KAT2B: variants seen among roughly 807,000 people sequenced by gnomAD.
KAT2B encodes the protein lysine acetyltransferase 2B, also known as histone acetyltransferase KAT2B.
A neutral mutation model predicts 105.9 loss-of-function variants in KAT2B; 36 were observed. The ratio of observed to expected loss-of-function variants is 0.34; its 90% CI spans 0.26 to 0.45. The LOEUF (loss-of-function observed/expected upper bound fraction) is 0.45, where lower values mean the gene tolerates loss of function less well. KAT2B is among the 20% of genes least tolerant of loss of function. The probability of loss-of-function intolerance (pLI) is 1.00; values close to 1 mark genes in which losing one functional copy is unlikely to be tolerated. For synonymous variants in KAT2B, 397 were observed against 377.9 expected, an observed-to-expected ratio of 1.05 and a Z score of -0.59; for missense variants, 820 against 1,021.6, an observed-to-expected ratio of 0.80 and a Z score of 2.69.
intron 5 of KAT2B, among the ~76,000 whole-genome samples, chr3:20,101,957 A>G (rs1698918328): frequency 6.6e-6 from 1 of 152,180 alleles, no homozygotes; most frequent in South Asian, 2.1e-4. Context: ...AGATAGCTAC[A>G]CTATAACTCT....
In KAT2B at chr3:20,048,503, C is replaced by T. The variant is rs192943185; in HGVS notation, c.303+7723C>T. On this transcript the variant is annotated intron_variant, in intron 1 of 17. Transcript: ENST00000263754. ...TCGGTGTTAGCCAGATTTAATTCTG[C>T]GGTTGTTAAGTAAATCCATAGGGTC... 5.3e-4 allele frequency among the ~76,000 whole-genome samples: 81 copies of T among 152,178 alleles called. 1 individual carries two copies. The highest frequency in any genetic ancestry group is 3.3e-3 in the East Asian group (17 of 5,182).
At chr3:20,099,807 G>T (rs1240196022) in intron 3 of KAT2B, 55 bp from the exon 4 acceptor site, 14 of 852,846 alleles carry the variant, frequency 1.6e-5, no homozygotes, top group Admixed American at 3.9e-5. Context: ...AGGAGAGAGA[G>T]ATAGACATAC....
intron 15 of KAT2B, 57 bp from the exon 16 acceptor site, chr3:20,148,186 G>T: frequency 6.7e-7 from 1 of 1,484,304 alleles, no homozygotes; most frequent in Admixed American, 1.7e-5. Context: ...ATAGTAATCA[G>T]CTGGCAATAG....
intron 11 of KAT2B, among the ~76,000 whole-genome samples, chr3:20,128,496 GT>G (rs371801825): frequency 6.8e-5 from 10 of 146,830 alleles, no homozygotes; most frequent in African/African-American, 2.5e-4. Flanking sequence ...GTTTTGTTTT[GT>G]TTTTTTTTGT....
At chr3:20,115,689 A>G (rs1699195154) in intron 7 of KAT2B, among the ~76,000 whole-genome samples, 1 of 152,216 alleles carries the variant, frequency 6.6e-6, no homozygotes, top group South Asian at 2.1e-4. Flanking sequence ...ACAAACACAT[A>G]TACTTGAGTA....
intron 1 of KAT2B, among the ~76,000 whole-genome samples, chr3:20,064,284 G>A (rs1328520745): frequency 6.6e-6 from 1 of 152,174 alleles, no homozygotes; most frequent in Admixed American, 6.5e-5. Flanking sequence ...TATACATTGT[G>A]TAATGGCCAA....
At chr3:20,052,557 G>C (rs1315413001) in intron 1 of KAT2B, among the ~76,000 whole-genome samples, 1 of 151,888 alleles carries the variant, frequency 6.6e-6, no homozygotes, top group East Asian at 1.9e-4. Context: ...GTATTGTAAA[G>C]ATGGCCAGGC....
At chr3:20,095,977 A>C (rs1467965483) in intron 3 of KAT2B, among the ~76,000 whole-genome samples, 5 of 152,138 alleles carry the variant, frequency 3.3e-5, no homozygotes, top group African/African-American at 1.2e-4. Context: ...GATAGGAGCC[A>C]TCTGTGCAAA....
intron 5 of KAT2B, among the ~76,000 whole-genome samples, chr3:20,108,864 G>GTAC (rs1181136342): frequency 6.6e-6 from 1 of 152,188 alleles, no homozygotes; most frequent in Non-Finnish European, 1.5e-5. Flanking sequence ...GATCTAAGCT[G>GTAC]TACATTCTTT....
intron 11 of KAT2B, among the ~76,000 whole-genome samples, chr3:20,129,238 CA>C (rs1472884050): frequency 6.6e-6 from 1 of 151,902 alleles, no homozygotes; most frequent in Non-Finnish European, 1.5e-5. Context: ...TTTAAAAAAG[CA>C]AGTGGAATCC....
intron 13 of KAT2B, among the ~76,000 whole-genome samples, chr3:20,145,943 T>C (rs1699777698): frequency 6.6e-6 from 1 of 152,204 alleles, no homozygotes; most frequent in Non-Finnish European, 1.5e-5. Context: ...GTTCTGTCAC[T>C]TGACTGAGTA....
Position 20,062,200 on chromosome 3 carries a change from T to A in KAT2B, c.304-10133T>A, listed in dbSNP as rs1214455142. On this transcript the variant is annotated intron_variant, in intron 1 of 17. Coordinates refer to ENST00000263754, the MANE Select transcript of KAT2B (RefSeq NM_003884.5). Reference sequence around the variant, plus strand: ...ATATATAATATATAAAATATATATATTTTATATAAAATATATTATATATAA... The same window carrying A: ...ATATATAATATATAAAATATATATAATTTATATAAAATATATTATATATAA... Among the ~76,000 whole-genome samples the A allele has an allele frequency of 4.3e-4, 21 of 48,596 alleles. 1 individual carries two copies. In the East Asian group the frequency reaches 9.3e-3, roughly 21 times the overall value. 31.9% of individuals were successfully genotyped at this position (48,596 alleles called of 152,430 possible).
At position 20,147,982 on chromosome 3, in the gene KAT2B, G is replaced by A. The variant is rs772592541; in HGVS notation, c.2139G>A (p.Pro713=). ...GTATAGGAGAGACAGGCTGGAAACC[G>A]AGTGGAAAAGAGAAAAGGTAAGTAT... ...IPGIRETGWK[P]SGKEKSKEPR... The change falls in exon 15 of 18, where the codon CCG becomes CCA. Residue 713 remains proline (P), a synonymous_variant. Coordinates refer to ENST00000263754, the MANE Select transcript of KAT2B (RefSeq NM_003884.5). 7 of 1,613,296 alleles carry A rather than the reference G, an allele frequency of 4.3e-6. No individual in the cohort carries two copies. The Admixed American group carries it at 6.7e-5, about 15-fold the overall frequency.
chr3:20,058,185 C>T (rs1264110643), intron 1 of KAT2B, among the ~76,000 whole-genome samples: 6 of 152,040 alleles, frequency 3.9e-5, no homozygotes, highest in East Asian at 1.9e-4. Context: ...CAGCCAGGTG[C>T]GGTGGCTCAC....
At chr3:20,057,659 T>G (rs1698024022) in intron 1 of KAT2B, among the ~76,000 whole-genome samples, 1 of 152,172 alleles carries the variant, frequency 6.6e-6, no homozygotes, top group African/African-American at 2.4e-5. Flanking sequence ...GATTTAGCAT[T>G]CCAGGGTACT....
At chr3:20,106,114 C>G (rs1229855881) in intron 5 of KAT2B, among the ~76,000 whole-genome samples, 1 of 152,160 alleles carries the variant, frequency 6.6e-6, no homozygotes, top group Admixed American at 6.5e-5. Flanking sequence ...TTCAGCAAGT[C>G]AGTAGAATGA....
At chr3:20,137,802 G>A (rs1188847145) in intron 12 of KAT2B, among the ~76,000 whole-genome samples, 6 of 152,178 alleles carry the variant, frequency 3.9e-5, no homozygotes, top group South Asian at 2.1e-4. Context: ...GATTATAGGC[G>A]TGAGCCACCT....
intron 1 of KAT2B, among the ~76,000 whole-genome samples, chr3:20,042,780 A>G (rs1462743243): frequency 1.3e-5 from 2 of 152,206 alleles, no homozygotes; most frequent in Non-Finnish European, 2.9e-5. Context: ...TGTGGCCTGC[A>G]TTGATATTTT....
Position 20,152,391 on chromosome 3 carries a change from A to G in KAT2B, c.2365A>G (p.Met789Val), listed in dbSNP as rs1377497494. The G allele has an allele frequency of 1.2e-6, 2 of 1,613,606 alleles. No individual in the cohort carries two copies. Residue 789 changes from methionine to valine, a missense_variant, in exon 18 of 18, where the codon ATG becomes GTG. Coordinates refer to ENST00000263754, the MANE Select transcript of KAT2B (RefSeq NM_003884.5). ...GTACTACGTGTCTAAGAAATTATTCATGGCAGACTTACAGCGAGTCTTTAC... is the reference window on the plus strand; with the variant it reads ...GTACTACGTGTCTAAGAAATTATTCGTGGCAGACTTACAGCGAGTCTTTAC... ...NRYYVSKKLFMADLQRVFTNC... is the reference protein window; with the variant it reads ...NRYYVSKKLFVADLQRVFTNC...
Sources: gnomAD v4.1 joint callset for allele counts (sites outside exome capture counted in the v4.1 genomes callset) on GRCh38, gnomAD v4.1.1 for gene constraint, MANE v1.5 for transcripts, NCBI Gene and HGNC (gene_info 2026-07-23, HGNC 2026-07-21) for gene names.